Variants in ZC3H12B observed in about 807,000 individuals in gnomAD.
ZC3H12B encodes the protein zinc finger CCCH-type containing 12B, also known as probable ribonuclease ZC3H12B.
In ZC3H12B, 7 loss-of-function variants were observed where a neutral mutation model predicts 43.9. The ratio of observed to expected loss-of-function variants is 0.16; its 90% CI spans 0.09 to 0.30. The LOEUF (loss-of-function observed/expected upper bound fraction) is 0.30, where lower values mean the gene tolerates loss of function less well. ZC3H12B is among the 10% of genes least tolerant of loss of function. ZC3H12B has a pLI of 1.00. For missense variants in ZC3H12B, 475 were observed against 670.2 expected (o/e 0.71, Z 3.22); for synonymous variants, 222 against 241.7 (o/e 0.92, Z 0.76).
the ZC3H12B span, among the ~76,000 whole-genome samples, chrX:65,197,893 A>G: frequency 8.9e-6 from 1 of 112,103 alleles, no homozygotes; most frequent in Admixed American, 9.4e-5. Flanking sequence ...TATTCTGTTT[A>G]TTTACTACAA....
chrX:65,278,125 A>T, the ZC3H12B span, among the ~76,000 whole-genome samples: 2 of 112,027 alleles, frequency 1.8e-5, no homozygotes, highest in Admixed American at 1.9e-4. Flanking sequence ...AAAATACAAA[A>T]GAGTATTGAA....
chrX:65,053,355 G>T, the ZC3H12B span, among the ~76,000 whole-genome samples: 22 of 110,879 alleles, frequency 2.0e-4, no homozygotes, highest in Non-Finnish European at 3.8e-4. Context: ...AGAACATGCG[G>T]TGTTTGGTTT....
chrX:65,453,212 G>C (rs1031066233), intron 3 of ZC3H12B, among the ~76,000 whole-genome samples: 1 of 105,574 alleles, frequency 9.5e-6, no homozygotes, highest in African/African-American at 3.4e-5. Context: ...ATAGAAAGTA[G>C]AACTACCATT....
chrX:65,089,015 A>G, the ZC3H12B span, among the ~76,000 whole-genome samples: 1 of 111,984 alleles, frequency 8.9e-6, no homozygotes, highest in East Asian at 2.8e-4. Context: ...TTCCTGGCAT[A>G]TTTACCATAA....
intron 3 of ZC3H12B, among the ~76,000 whole-genome samples, chrX:65,406,798 A>T (rs1339883521): frequency 8.9e-6 from 1 of 112,226 alleles, no homozygotes; most frequent in Non-Finnish European, 1.9e-5. Flanking sequence ...GAGGCAGCCG[A>T]CTGCGCCACC....
At chrX:65,057,917 A>G in the ZC3H12B span, among the ~76,000 whole-genome samples, 1 of 111,816 alleles carries the variant, frequency 8.9e-6, no homozygotes, top group African/African-American at 3.3e-5. Flanking sequence ...CTGTCGTGCC[A>G]TGGTTTTCAG....
chrX:65,269,686 G>A, the ZC3H12B span, among the ~76,000 whole-genome samples: 1 of 108,949 alleles, frequency 9.2e-6, no homozygotes, highest in African/African-American at 3.3e-5. Context: ...CTTTTGTAGA[G>A]ACAAGGTTTT....
intron 3 of ZC3H12B, among the ~76,000 whole-genome samples, chrX:65,409,233 CTG>C (rs1038833788): frequency 9.1e-6 from 1 of 109,960 alleles, no homozygotes; most frequent in African/African-American, 3.3e-5. Context: ...CAGGAAATCA[CTG>C]TATTAGGAAT....
chrX:65,193,041 G>A, the ZC3H12B span, among the ~76,000 whole-genome samples: 1 of 110,547 alleles, frequency 9.0e-6, no homozygotes, highest in South Asian at 3.8e-4. Flanking sequence ...CAATGTGCTG[G>A]GATTATAGTT....
chrX:65,300,668 C>G, the ZC3H12B span, among the ~76,000 whole-genome samples: 2 of 110,928 alleles, frequency 1.8e-5, no homozygotes, highest in African/African-American at 6.6e-5. Context: ...CCAGATAATC[C>G]TAGGGCAAGC....
At chrX:65,206,213 T>A in the ZC3H12B span, among the ~76,000 whole-genome samples, 1 of 111,769 alleles carries the variant, frequency 8.9e-6, no homozygotes, top group East Asian at 2.8e-4. Context: ...AAAGCAAGAC[T>A]AAGTAAAAAG....
chrX:65,494,823 T>A (rs1340810602), intron 1 of ZC3H12B, among the ~76,000 whole-genome samples: 3 of 108,873 alleles, frequency 2.8e-5, no homozygotes, highest in African/African-American at 1.0e-4. Context: ...AATAAATAAA[T>A]AAATAAAATA....
the ZC3H12B span, among the ~76,000 whole-genome samples, chrX:65,195,074 G>A: frequency 5.2e-3 from 525 of 100,531 alleles, 4 homozygotes; most frequent in Middle Eastern, 0.026. Context: ...TGTATTTGTT[G>A]TAGTGAACAG....
chrX:65,282,782 G>A, the ZC3H12B span, among the ~76,000 whole-genome samples: 1 of 111,727 alleles, frequency 9.0e-6, no homozygotes, highest in East Asian at 2.8e-4. Flanking sequence ...GGAAGAAGTT[G>A]ATTTGCAGAA....
chrX:65,315,511 G>A, the ZC3H12B span, among the ~76,000 whole-genome samples: 1 of 111,530 alleles, frequency 9.0e-6, no homozygotes, highest in Non-Finnish European at 1.9e-5. Flanking sequence ...CCTAGTAGCA[G>A]CCCCCCAGAG....
the ZC3H12B span, among the ~76,000 whole-genome samples, chrX:65,305,338 A>G: frequency 1.8e-5 from 2 of 111,994 alleles, no homozygotes; most frequent in African/African-American, 6.5e-5. Context: ...TTTAAAAAAA[A>G]AAGAAGATAT....
At chrX:65,054,273 A>G in the ZC3H12B span, among the ~76,000 whole-genome samples, 1 of 111,737 alleles carries the variant, frequency 8.9e-6, no homozygotes, top group Non-Finnish European at 1.9e-5. Context: ...TCCATCTTGA[A>G]TTAATTTTTG....
At chrX:65,247,991 C>A in the ZC3H12B span, among the ~76,000 whole-genome samples, 1 of 111,704 alleles carries the variant, frequency 9.0e-6, no homozygotes, top group Admixed American at 9.5e-5. Context: ...TGAAAATTGA[C>A]AAAATTGTTT....
At chrX:65,499,581 T>C (rs752172073) in intron 3 of ZC3H12B, among the ~76,000 whole-genome samples, 42 of 111,544 alleles carry the variant, frequency 3.8e-4, no homozygotes, top group African/African-American at 1.3e-3. Context: ...GAGGGGGACA[T>C]CATGAATAAA....
Sources: gnomAD v4.1 joint callset for allele counts (sites outside exome capture counted in the v4.1 genomes callset) on GRCh38, gnomAD v4.1.1 for gene constraint, MANE v1.5 for transcripts, NCBI Gene and HGNC (gene_info 2026-07-23, HGNC 2026-07-21) for gene names.